The following TMEM236 variants were observed in gnomAD, a reference collection of about 807,000 sequenced individuals.
TMEM236 encodes transmembrane protein 236, also known as family with sequence similarity 23, member A.
TMEM236 carries 11 observed loss-of-function variants against 14.7 expected under a neutral mutation model. The observed-to-expected ratio is 0.75, with a 90% CI of 0.47 to 1.24. TMEM236 has a LOEUF of 1.24. Ranked by LOEUF, TMEM236 falls within the 50% of genes most tolerant of loss-of-function variation. The probability of loss-of-function intolerance (pLI) is 0.00; values close to 1 mark genes in which losing one functional copy is unlikely to be tolerated. For missense variants in TMEM236, 464 were observed against 427.3 expected (o/e 1.09, Z -0.76); for synonymous variants, 182 against 168.6 (o/e 1.08, Z -0.62).
At chr10:17,776,570 TG>T (rs1169641302) in intron 3 of TMEM236, among the ~76,000 whole-genome samples, 1 of 152,206 alleles carries the variant, frequency 6.6e-6, no homozygotes, top group African/African-American at 2.4e-5. Flanking sequence ...AATATGACTG[TG>T]GTAGTTGTGT....
At chr10:17,795,217 T>C (rs1236594794) in intron 3 of TMEM236, among the ~76,000 whole-genome samples, 47 of 152,198 alleles carry the variant, frequency 3.1e-4, no homozygotes, top group Admixed American at 2.0e-3. Flanking sequence ...TCAAATGTTT[T>C]ATAATTAGCT....
At chr10:17,791,247 C>A (rs1314506464) in intron 3 of TMEM236, among the ~76,000 whole-genome samples, 1 of 150,784 alleles carries the variant, frequency 6.6e-6, no homozygotes, top group Non-Finnish European at 1.5e-5. Flanking sequence ...GAATTTGAGA[C>A]CAGCCTAGAC....
chr10:17,790,451 G>A (rs1221419080), intron 3 of TMEM236, among the ~76,000 whole-genome samples: 1 of 152,206 alleles, frequency 6.6e-6, no homozygotes, highest in Non-Finnish European at 1.5e-5. Flanking sequence ...AGATAGTTGG[G>A]AGGCTGGGGC....
intron 1 of TMEM236, among the ~76,000 whole-genome samples, chr10:17,764,434 G>T (rs1234352918): frequency 6.6e-6 from 1 of 152,134 alleles, no homozygotes; most frequent in Non-Finnish European, 1.5e-5. Context: ...TACTGTGGTC[G>T]CAAACTTGCA....
In TMEM236 at chr10:17,776,124, T is replaced by C; in HGVS notation, c.426T>C (p.Asp142=). Residue 142 remains aspartate (D), a synonymous_variant, in exon 3 of 4, where the codon GAT becomes GAC. Transcript: ENST00000377495. The stretch of plus-strand genomic sequence containing the variant: ...TTCTGTTATCCCTGATCATGGTTGA[T>C]ATTATTGAAAAACTCAGGATATATC... ...SLVLLSLIMV[D]IIEKLRIYPL... is the part of the protein sequence containing the mutation. 6.2e-7 allele frequency: 1 copy of C among 1,613,804 alleles called. No homozygotes were observed. Among genetic ancestry groups the C allele is most frequent in the Non-Finnish European group, 8.5e-7 (1 of 1,179,728 alleles).
Position 17,752,432 on chromosome 10 carries a change from A to G in TMEM236, c.137A>G (p.His46Arg). The change falls in exon 1 of 4, where the codon CAC (histidine) becomes CGC (arginine). Residue 46 changes from histidine to arginine, a missense_variant. Physicochemically the swap from His to Arg is conservative, Grantham distance 29. Coordinates refer to ENST00000377495, the MANE Select transcript of TMEM236 (RefSeq NM_001098844.3). The stretch of plus-strand genomic sequence containing the variant: ...ACAAGGGCTAGATCTGACAACACAC[A>G]CTACTGGCTGATCATCTCCTGTTCT... Reference protein sequence around the residue: ...QGTRARSDNTHYWLIISCSIA... With the variant: ...QGTRARSDNTRYWLIISCSIA... 3 of 1,613,952 alleles carry G rather than the reference A, an allele frequency of 1.9e-6. No individual in the cohort carries two copies. Among genetic ancestry groups the G allele is most frequent in the South Asian group, 2.2e-5 (2 of 91,072 alleles).
In TMEM236 at chr10:17,796,919, G is replaced by C; in HGVS notation, c.*415G>C. On this transcript the variant is annotated 3_prime_UTR_variant, in exon 4 of 4. Transcript: ENST00000377495. The stretch of plus-strand genomic sequence containing the variant: ...TCAGCAGCAGCATTAGATCCTCATA[G>C]GAGCCCAAACCCTATTGTGAACTGC... 1 of 244,702 alleles carries C rather than the reference G, an allele frequency of 4.1e-6. No homozygotes were observed. The highest frequency in any genetic ancestry group is 7.9e-6 in the Non-Finnish European group (1 of 126,382). The allele number at this position is 244,702 out of a possible 1,614,324, so 15.2% of individuals were successfully genotyped here. A position where few individuals can be genotyped will look rare whatever the true frequency, so the allele number is the denominator to read the frequency against.
intron 3 of TMEM236, among the ~76,000 whole-genome samples, chr10:17,777,003 G>A (rs1837668291): frequency 6.6e-6 from 1 of 152,156 alleles, no homozygotes; most frequent in African/African-American, 2.4e-5. Flanking sequence ...TTGTCATGTT[G>A]TGCATTTGAA....
intron 3 of TMEM236, among the ~76,000 whole-genome samples, chr10:17,788,333 T>C (rs1482224128): frequency 2.6e-5 from 4 of 151,530 alleles, no homozygotes; most frequent in African/African-American, 9.7e-5. Flanking sequence ...GAATTTTAGA[T>C]TGGAACATTT....
At chr10:17,773,079 C>T (rs982097278) in intron 2 of TMEM236, among the ~76,000 whole-genome samples, 6 of 152,224 alleles carry the variant, frequency 3.9e-5, no homozygotes, top group East Asian at 3.9e-4. Context: ...TACTCTTGGT[C>T]GCCATCTTGG....
intron 3 of TMEM236, among the ~76,000 whole-genome samples, chr10:17,780,998 C>A (rs1837738226): frequency 6.6e-6 from 1 of 152,156 alleles, no homozygotes; most frequent in Non-Finnish European, 1.5e-5. Flanking sequence ...TCTTATTATG[C>A]AAATGGACTT....
At chr10:17,756,851 C>T (rs1837291695) in intron 1 of TMEM236, among the ~76,000 whole-genome samples, 1 of 152,140 alleles carries the variant, frequency 6.6e-6, no homozygotes, top group Admixed American at 6.5e-5. Context: ...CCCCTTAGTG[C>T]ATGTGGTATA....
intron 1 of TMEM236, among the ~76,000 whole-genome samples, chr10:17,755,025 G>A (rs925589295): frequency 0.019 from 2,877 of 151,688 alleles, 83 homozygotes; most frequent in African/African-American, 0.066. Context: ...TGCAACTTCC[G>A]CCTCCTGGGT....
intron 1 of TMEM236, among the ~76,000 whole-genome samples, chr10:17,765,464 A>G (rs1375785254): frequency 6.6e-6 from 1 of 152,138 alleles, no homozygotes; most frequent in Admixed American, 6.6e-5. Flanking sequence ...AAAATCATCC[A>G]AACAAGGTAT....
chr10:17,759,070 C>A (rs1837320688), intron 1 of TMEM236, among the ~76,000 whole-genome samples: 1 of 152,212 alleles, frequency 6.6e-6, no homozygotes, highest in African/African-American at 2.4e-5. Context: ...CCCCTTCTCT[C>A]ATTAACACTT....
intron 3 of TMEM236, among the ~76,000 whole-genome samples, chr10:17,781,684 T>C (rs1837752057): frequency 6.7e-6 from 1 of 148,798 alleles, no homozygotes. Flanking sequence ...AGGCGGAGAT[T>C]GCAGTGAGCT....
At chr10:17,787,819 G>A (rs1383299134) in intron 3 of TMEM236, among the ~76,000 whole-genome samples, 3 of 152,102 alleles carry the variant, frequency 2.0e-5, no homozygotes, top group Admixed American at 6.5e-5. Context: ...AGAATGCAAT[G>A]ACTCAGGTTT....
chr10:17,783,582 T>C lies in TMEM236; in HGVS notation c.472+7412T>C, dbSNP rs928288250. 2.0e-5 allele frequency among the ~76,000 whole-genome samples: 3 copies of C among 152,186 alleles called. No individual in the cohort carries two copies. In the East Asian group the frequency reaches 5.8e-4, roughly 29 times the overall value. On this transcript the variant is annotated intron_variant, in intron 3 of 3. Coordinates refer to ENST00000377495, the MANE Select transcript of TMEM236 (RefSeq NM_001098844.3). ...AGTGCCTGCAGGCACCTCAGCAGCA[T>C]AGATGGCTATTTCCTTAGGTCAAAT... is the stretch of plus-strand genomic sequence containing the variant.
chr10:17,777,001 T>A (rs1272935417), intron 3 of TMEM236, among the ~76,000 whole-genome samples: 3 of 152,210 alleles, frequency 2.0e-5, no homozygotes, highest in African/African-American at 7.2e-5. Context: ...TTTTGTCATG[T>A]TGTGCATTTG....
Sources: allele counts gnomAD v4.1 joint callset (sites outside exome capture counted in the v4.1 genomes callset), GRCh38; gene constraint gnomAD v4.1.1; transcripts MANE v1.5; gene names NCBI Gene and HGNC (gene_info 2026-07-23, HGNC 2026-07-21).